Variants in PTPRD observed in about 807,000 individuals in gnomAD.
PTPRD encodes the protein protein tyrosine phosphatase receptor type D, also known as receptor-type tyrosine-protein phosphatase delta.
In PTPRD, 34 loss-of-function variants were observed where a neutral mutation model predicts 214.5. The ratio of observed to expected loss-of-function variants is 0.16; its 90% CI spans 0.12 to 0.21. PTPRD has a LOEUF of 0.21. Ranked by LOEUF, PTPRD falls within the 10% of genes least tolerant of loss-of-function variation. The pLI is 1.00. For missense variants in PTPRD, 2,545 were observed against 2,398.7 expected (o/e 1.06, Z -1.27); for synonymous variants, 1,128 against 845.7 (o/e 1.33, Z -5.79).
intron 3 of PTPRD, among the ~76,000 whole-genome samples, chr9:10,256,672 G>A (rs184873853): frequency 7.2e-5 from 11 of 152,166 alleles, no homozygotes; most frequent in South Asian, 2.1e-4. Context: ...CCAAGTCTCC[G>A]TCCCATTAAA....
chr9:9,741,162 G>A (rs1746809), intron 6 of PTPRD, among the ~76,000 whole-genome samples: 75,684 of 152,076 alleles, frequency 0.5, 22,523 homozygotes, highest in African/African-American at 0.83. Context: ...GTTTGAAAAC[G>A]CTATAGCTTT....
chr9:9,712,009 T>C (rs1342613294), intron 7 of PTPRD, among the ~76,000 whole-genome samples: 2 of 152,206 alleles, frequency 1.3e-5, no homozygotes, highest in African/African-American at 2.4e-5. Flanking sequence ...CCTTTAGCAT[T>C]CAATTCAGCA....
chr9:10,400,218 T>C (rs138787535), intron 2 of PTPRD, among the ~76,000 whole-genome samples: 133 of 151,954 alleles, frequency 8.8e-4, no homozygotes, highest in African/African-American at 3.1e-3. Context: ...AGGATAATAA[T>C]AGTGCTCACT....
At chr9:8,936,967 T>G (rs10759020) in intron 11 of PTPRD, among the ~76,000 whole-genome samples, 27,828 of 152,142 alleles carry the variant, frequency 0.18, 3,187 homozygotes, top group East Asian at 0.51. Flanking sequence ...GAGGAGCACT[T>G]TTTTGGTTTA....
rs115127095 is a variant in PTPRD at position 9,649,425 on chromosome 9, C to T, written c.-286-74644G>A. Among the ~76,000 whole-genome samples the T allele has an allele frequency of 6.4e-3, 981 of 152,206 alleles. 8 individuals are homozygous for T. Among genetic ancestry groups the T allele is most frequent in the African/African-American group, 0.023 (948 of 41,522 alleles). The stretch of plus-strand genomic sequence containing the variant: ...ATTATAAACTGCTTAAGTTTAATGG[C>T]ATTCATTTAATCATAAATATATGGA... On this transcript the variant is annotated intron_variant, in intron 7 of 45. Coordinates refer to ENST00000381196, the MANE Select transcript of PTPRD (RefSeq NM_002839.4).
chr9:9,956,164 T>C (rs2093915772), intron 4 of PTPRD, among the ~76,000 whole-genome samples: 2 of 152,110 alleles, frequency 1.3e-5, no homozygotes. Flanking sequence ...CATTTTCCTT[T>C]GGAGAGGTAT....
intron 14 of PTPRD, among the ~76,000 whole-genome samples, chr9:8,555,130 A>T (rs1029554431): frequency 6.6e-6 from 1 of 152,164 alleles, no homozygotes; most frequent in Admixed American, 6.5e-5. Context: ...TTTAAGACTC[A>T]AAGGGGCCAG....
intron 3 of PTPRD, among the ~76,000 whole-genome samples, chr9:10,257,082 A>AC (rs1322744540): frequency 6.6e-6 from 1 of 152,002 alleles, no homozygotes; most frequent in Non-Finnish European, 1.5e-5. Flanking sequence ...ACAGACAAAA[A>AC]ATGTTAATTT....
chr9:10,056,184 G>A (rs555488546), intron 3 of PTPRD, among the ~76,000 whole-genome samples: 135 of 152,028 alleles, frequency 8.9e-4, no homozygotes, highest in African/African-American at 3.2e-3. Context: ...AGGTAGACAT[G>A]GTGGCATGTG....
At position 10,303,324 on chromosome 9, in the gene PTPRD, G is replaced by A. The variant is rs191865212; in HGVS notation, c.-545+37639C>T. Among the ~76,000 whole-genome samples, 194 of 152,126 alleles carry A rather than the reference G, an allele frequency of 1.3e-3. 2 individuals are homozygous for A. Among genetic ancestry groups the A allele is most frequent in the Admixed American group, 0.011 (172 of 15,274 alleles). On this transcript the variant is annotated intron_variant, in intron 3 of 45. Transcript: ENST00000381196. ...GAGAAAGCAGAAAACATCTAAATTC[G>A]ATACCCTAACATCACAATTAAAAGA...
intron 11 of PTPRD, among the ~76,000 whole-genome samples, chr9:8,876,285 TG>T (rs2098389400): frequency 6.6e-6 from 1 of 152,188 alleles, no homozygotes; most frequent in Non-Finnish European, 1.5e-5. Flanking sequence ...TTACTCAGAC[TG>T]TTTTTTTTAA....
chr9:9,058,287 C>CAACCCATGACATA (rs2099700023), intron 10 of PTPRD, among the ~76,000 whole-genome samples: 1 of 151,942 alleles, frequency 6.6e-6, no homozygotes, highest in Non-Finnish European at 1.5e-5. Context: ...TGCAATGTCA[C>CAACCCATGACATA]AACCCATGAA....
chr9:8,567,286 C>T (rs2089607399), intron 14 of PTPRD, among the ~76,000 whole-genome samples: 1 of 152,200 alleles, frequency 6.6e-6, no homozygotes, highest in African/African-American at 2.4e-5. Context: ...ATATCACAAC[C>T]TGCCTGTAAT....
At chr9:8,504,481 T>A in intron 22 of PTPRD, 76 bp from the exon 23 acceptor site, 5 of 1,500,696 alleles carry the variant, frequency 3.3e-6, no homozygotes, top group Non-Finnish European at 4.6e-6. Context: ...GTCTGGACCA[T>A]CAGATTTCTA....
intron 11 of PTPRD, among the ~76,000 whole-genome samples, chr9:8,782,212 T>C (rs1046225457): frequency 6.6e-6 from 1 of 152,134 alleles, no homozygotes; most frequent in African/African-American, 2.4e-5. Flanking sequence ...TATACATGTA[T>C]ATATTGTGGA....
At chr9:9,078,795 CA>C (rs1251586769) in intron 10 of PTPRD, among the ~76,000 whole-genome samples, 1 of 151,902 alleles carries the variant, frequency 6.6e-6, no homozygotes, top group African/African-American at 2.4e-5. Flanking sequence ...AGAATTGTGC[CA>C]AAATATTGGG....
chr9:9,812,030 A>G (rs10816189), intron 5 of PTPRD, among the ~76,000 whole-genome samples: 47,503 of 152,062 alleles, frequency 0.31, 8,528 homozygotes, highest in East Asian at 0.8. Flanking sequence ...GCAGCCATCA[A>G]CATTGAGGCA....
chr9:8,318,911 C>T (rs1272000795), intron 45 of PTPRD, among the ~76,000 whole-genome samples: 2 of 152,030 alleles, frequency 1.3e-5, no homozygotes, highest in Non-Finnish European at 2.9e-5. Context: ...TGAAAGTAGA[C>T]AGATAGTTTC....
intron 3 of PTPRD, among the ~76,000 whole-genome samples, chr9:10,140,529 C>G (rs951195556): frequency 5.3e-5 from 8 of 152,054 alleles, no homozygotes; most frequent in African/African-American, 1.9e-4. Context: ...GACACATACA[C>G]TCTCCCAAGA....
Sources: allele counts gnomAD v4.1 joint callset (sites outside exome capture counted in the v4.1 genomes callset), GRCh38; gene constraint gnomAD v4.1.1; transcripts MANE v1.5; gene names NCBI Gene and HGNC (gene_info 2026-07-23, HGNC 2026-07-21).